Variants in DMD observed in about 807,000 individuals in gnomAD.
The protein encoded by DMD is mutant dystrophin.
In DMD, 63 loss-of-function variants were observed where a neutral mutation model predicts 330.1. The ratio of observed to expected loss-of-function variants is 0.19; its 90% confidence interval spans 0.16 to 0.24. The LOEUF (loss-of-function observed/expected upper bound fraction) is 0.24. Ranked by LOEUF, DMD falls within the 10% of genes least tolerant of loss-of-function variation. The probability of loss-of-function intolerance (pLI) is 1.00; values close to 1 mark genes in which losing one functional copy is unlikely to be tolerated. For missense variants in DMD, 3,344 were observed against 2,684.1 expected (o/e 1.25, Z -5.43); for synonymous variants, 1,223 against 959.8 (o/e 1.27, Z -5.07).
chrX:32,855,414 T>C (rs2081466330), intron 2 of DMD, among the ~76,000 whole-genome samples: 1 of 111,931 alleles, frequency 8.9e-6, no homozygotes, highest in Non-Finnish European at 1.9e-5. Flanking sequence ...GACTTCAAAT[T>C]ATACTACAGA....
chrX:31,778,730 C>T (rs1240388991), intron 50 of DMD, among the ~76,000 whole-genome samples: 2 of 109,823 alleles, frequency 1.8e-5, no homozygotes, highest in African/African-American at 6.6e-5. Context: ...GCCACCATGC[C>T]CAACTAATTT....
chrX:31,596,867 T>G (rs1326395741), intron 55 of DMD, among the ~76,000 whole-genome samples: 1 of 112,013 alleles, frequency 8.9e-6, no homozygotes, highest in Non-Finnish European at 1.9e-5. Flanking sequence ...AGCAGCAGCA[T>G]CACCTGGGAC....
chrX:32,330,921 A>G (rs1261563547), intron 41 of DMD, among the ~76,000 whole-genome samples: 1 of 111,774 alleles, frequency 8.9e-6, no homozygotes, highest in Non-Finnish European at 1.9e-5. Context: ...GAAGAAACCA[A>G]TGTAATAAAA....
Position 31,980,091 on chromosome X carries a change from G to A in DMD, c.6439-11577C>T, listed in dbSNP as rs2095466474. On this transcript the variant is annotated intron_variant, in intron 44 of 78. Coordinates refer to ENST00000357033, the MANE Select transcript of DMD (RefSeq NM_004006.3). ...TAACTGGAACTCTCCATCATCACTG[G>A]TGGCATTGCAAAATGGCACAACCAC... Among the ~76,000 whole-genome samples the A allele has an allele frequency of 3.6e-5, 4 of 112,207 alleles. No individual in the cohort carries two copies. The South Asian group carries it at 1.1e-3, about 31-fold the overall frequency.
intron 52 of DMD, among the ~76,000 whole-genome samples, chrX:31,701,268 G>A (rs1295992441): frequency 9.0e-6 from 1 of 111,725 alleles, no homozygotes; most frequent in Non-Finnish European, 1.9e-5. Flanking sequence ...TGCAGAAAAC[G>A]GAAATTAACC....
intron 66 of DMD, among the ~76,000 whole-genome samples, chrX:31,204,700 G>A (rs142050435): frequency 2.7e-5 from 3 of 111,964 alleles, no homozygotes; most frequent in African/African-American, 9.7e-5. Flanking sequence ...TCTGCTCACC[G>A]CAACCTCTGC....
chrX:32,684,086 G>C (rs1440803749), intron 9 of DMD, among the ~76,000 whole-genome samples: 4 of 106,493 alleles, frequency 3.8e-5, no homozygotes, highest in Non-Finnish European at 7.7e-5. Context: ...TAGAGTTCTA[G>C]TTATGAGGAT....
chrX:32,170,150 A>G (rs2096882491), intron 44 of DMD, among the ~76,000 whole-genome samples: 1 of 110,529 alleles, frequency 9.0e-6, no homozygotes, highest in Non-Finnish European at 1.9e-5. Flanking sequence ...TACTTTTGAC[A>G]TATTTTTATA....
chrX:31,344,804 T>C (rs1324727313), intron 61 of DMD, among the ~76,000 whole-genome samples: 5 of 110,068 alleles, frequency 4.5e-5, no homozygotes, highest in Non-Finnish European at 9.5e-5. Flanking sequence ...TGAGCTGAGA[T>C]TGCACTCTGT....
At chrX:31,296,447 G>A (rs185505467) in intron 62 of DMD, among the ~76,000 whole-genome samples, 1 of 111,738 alleles carries the variant, frequency 8.9e-6, no homozygotes, top group East Asian at 2.8e-4. Flanking sequence ...TTTCAGTAAA[G>A]GCAATTTTGT....
intron 36 of DMD, among the ~76,000 whole-genome samples, chrX:32,363,379 T>C (rs1047633897): frequency 1.8e-5 from 2 of 111,910 alleles, no homozygotes; most frequent in African/African-American, 6.5e-5. Flanking sequence ...GTCAGGTAGC[T>C]GAAGAACACT....
At chrX:31,868,465 C>T (rs775375257) in intron 48 of DMD, among the ~76,000 whole-genome samples, 1 of 111,060 alleles carries the variant, frequency 9.0e-6, no homozygotes, top group African/African-American at 3.3e-5. Flanking sequence ...TGCATAGGCT[C>T]AATAAATATA....
chrX:32,644,665 G>T (rs2059673753), intron 10 of DMD, among the ~76,000 whole-genome samples: 1 of 110,531 alleles, frequency 9.0e-6, no homozygotes, highest in Non-Finnish European at 1.9e-5. Flanking sequence ...GTCTCCCACT[G>T]AGAGAAGTTA....
rs2032231822 is a variant in DMD, at chrX:31,120,559, AAG to A, written c.*1358_*1359del. On this transcript the variant is annotated 3_prime_UTR_variant, in exon 79 of 79. Coordinates refer to ENST00000357033, the MANE Select transcript of DMD (RefSeq NM_004006.3). The stretch of plus-strand genomic sequence containing the variant: ...CCCACATGGGACAATAAATCTAAAA[AAG>A]CAACAAAAACCAAACCACCCAGTTC... The A allele has an allele frequency of 8.9e-6, 1 of 112,153 alleles. No homozygotes were observed. Among genetic ancestry groups the A allele is most frequent in the African/African-American group, 3.2e-5 (1 of 30,907 alleles). The allele number at this position is 112,153 out of a possible 1,213,427, so 9.2% of individuals were successfully genotyped here. A position where few individuals can be genotyped will look rare whatever the true frequency, so the allele number is the denominator to read the frequency against.
intron 12 of DMD, among the ~76,000 whole-genome samples, chrX:32,601,469 G>C (rs1569286370): frequency 1.8e-5 from 2 of 111,594 alleles, no homozygotes; most frequent in Admixed American, 1.9e-4. Flanking sequence ...GGAGAGATTT[G>C]AAAGGCTATA....
At chrX:32,462,992 G>C (rs781274275) in intron 25 of DMD, among the ~76,000 whole-genome samples, 1 of 111,079 alleles carries the variant, frequency 9.0e-6, no homozygotes, top group Admixed American at 9.6e-5. Flanking sequence ...TAAATGTGTC[G>C]AAGAGGCCAA....
At chrX:33,212,239 T>C, upstream of DMD, among the ~76,000 whole-genome samples, 1 of 112,659 alleles carries the variant, frequency 8.9e-6, no homozygotes, top group African/African-American at 3.2e-5. Context: ...TAACAAATTA[T>C]TCTTTCTTCC....
chrX:32,721,895 C>T (rs2066358627), intron 7 of DMD, among the ~76,000 whole-genome samples: 1 of 107,989 alleles, frequency 9.3e-6, no homozygotes, highest in Admixed American at 1.0e-4. Flanking sequence ...CAATTTACAA[C>T]ACCATTTATT....
chrX:32,620,964 A>G (rs2057942912), intron 11 of DMD, among the ~76,000 whole-genome samples: 1 of 111,544 alleles, frequency 9.0e-6, no homozygotes, highest in Non-Finnish European at 1.9e-5. Context: ...ACAATTATTG[A>G]GTACCTGGAT....
Sources: gnomAD v4.1 joint callset for allele counts (sites outside exome capture counted in the v4.1 genomes callset) on GRCh38, gnomAD v4.1.1 for gene constraint, MANE v1.5 for transcripts, NCBI Gene and HGNC (gene_info 2026-07-23, HGNC 2026-07-21) for gene names.